PTPRO: variants seen among roughly 807,000 people sequenced by gnomAD.
PTPRO encodes protein tyrosine phosphatase receptor type O, also known as receptor-type tyrosine-protein phosphatase O.
A neutral mutation model predicts 145.2 loss-of-function variants in PTPRO; 62 were observed. The ratio of observed to expected loss-of-function variants is 0.43; its 90% confidence interval spans 0.35 to 0.53. The LOEUF (loss-of-function observed/expected upper bound fraction) is 0.53. Among genes scored for constraint, PTPRO ranks in the 20% least tolerant of loss-of-function variants. The probability of loss-of-function intolerance (pLI) is 0.01; values close to 1 mark genes in which losing one functional copy is unlikely to be tolerated. For missense variants in PTPRO, 1,345 were observed against 1,482.7 expected (o/e 0.91, Z 1.53); for synonymous variants, 565 against 514.7 (o/e 1.10, Z -1.32).
chr12:15,495,264 C>T (rs569836834), intron 2 of PTPRO, among the ~76,000 whole-genome samples: 2 of 150,910 alleles, frequency 1.3e-5, no homozygotes, highest in East Asian at 3.9e-4. Context: ...TCAGAAAACT[C>T]CAGGAAAAAT....
At chr12:15,461,054 C>A (rs1208029393) in intron 1 of PTPRO, among the ~76,000 whole-genome samples, 1 of 152,116 alleles carries the variant, frequency 6.6e-6, no homozygotes, top group Non-Finnish European at 1.5e-5. Context: ...CTCACTCTAC[C>A]TCTCTGGCAT....
chr12:15,524,805 C>T lies in PTPRO; in HGVS notation c.1892-9C>T. On this transcript the variant is annotated splice_polypyrimidine_tract_variant and intron_variant, in intron 10 of 26. Coordinates refer to ENST00000281171, the MANE Select transcript of PTPRO (RefSeq NM_030667.3). ...TTATACTAAATTGTGCCTCGTTTCT[C>T]CCTTGTAGCCCCAGTGGCTCCGGAA... is the stretch of plus-strand genomic sequence containing the variant. The T allele has an allele frequency of 6.2e-7, 1 of 1,610,886 alleles. No homozygotes were observed. The highest frequency in any genetic ancestry group is 8.5e-7 in the Non-Finnish European group (1 of 1,177,160).
intron 12 of PTPRO, among the ~76,000 whole-genome samples, chr12:15,529,306 C>T (rs1942908658): frequency 6.6e-6 from 1 of 151,966 alleles, no homozygotes; most frequent in Admixed American, 6.6e-5. Flanking sequence ...GGTAGTTTTG[C>T]TTTTGTTTCT....
chr12:15,435,618 TC>T (rs1940574344), intron 1 of PTPRO, among the ~76,000 whole-genome samples: 1 of 152,136 alleles, frequency 6.6e-6, no homozygotes, highest in African/African-American at 2.4e-5. Context: ...TATCAGTTTT[TC>T]TCTTTTCCTC....
At chr12:15,505,641 C>G (rs1942306228) in intron 6 of PTPRO, among the ~76,000 whole-genome samples, 1 of 152,044 alleles carries the variant, frequency 6.6e-6, no homozygotes, top group South Asian at 2.1e-4. Context: ...ACCATGTATA[C>G]TTCTTTGGTT....
chr12:15,347,547 G>T (rs895096432), intron 1 of PTPRO, among the ~76,000 whole-genome samples: 2 of 152,108 alleles, frequency 1.3e-5, no homozygotes, highest in Non-Finnish European at 2.9e-5. Context: ...AGCCTTCTAA[G>T]GGAGGGACCA....
At chr12:15,586,490 T>C (rs1047069452) in intron 23 of PTPRO, among the ~76,000 whole-genome samples, 1 of 152,192 alleles carries the variant, frequency 6.6e-6, no homozygotes, top group Non-Finnish European at 1.5e-5. Flanking sequence ...TATCAAGAGA[T>C]AGGTACTGCT....
At chr12:15,413,823 CAAAT>C (rs200886106) in intron 1 of PTPRO, among the ~76,000 whole-genome samples, 23 of 151,836 alleles carry the variant, frequency 1.5e-4, no homozygotes, top group Non-Finnish European at 2.1e-4. Flanking sequence ...TCAATAAAAA[CAAAT>C]AAATAAATAA....
chr12:15,329,195 T>C (rs1866538369), intron 1 of PTPRO, among the ~76,000 whole-genome samples: 1 of 152,246 alleles, frequency 6.6e-6, no homozygotes, highest in African/African-American at 2.4e-5. Flanking sequence ...TTTCTGACCC[T>C]GGTTCTCTCT....
intron 1 of PTPRO, chr12:15,439,908 C>A (rs756216310): frequency 2.0e-5 from 13 of 663,548 alleles, no homozygotes; most frequent in Non-Finnish European, 3.6e-5. Flanking sequence ...GTGTTTGTTG[C>A]CATTGGGGAC....
chr12:15,418,761 G>A lies in PTPRO; in HGVS notation c.76-65213G>A, dbSNP rs369191147. Among the ~76,000 whole-genome samples the A allele has an allele frequency of 3.5e-4, 53 of 151,814 alleles. 2 individuals are homozygous for A. The highest frequency in any genetic ancestry group is 1.3e-3 in the African/African-American group (53 of 41,092). ...AGGCAATGGAGTACTGGGAGGAAGT[G>A]TTAAGAATTATGGATGGACCAGATT... On this transcript the variant is annotated intron_variant, in intron 1 of 26. Coordinates refer to ENST00000281171, the MANE Select transcript of PTPRO (RefSeq NM_030667.3).
intron 1 of PTPRO, among the ~76,000 whole-genome samples, chr12:15,481,670 A>G (rs2136434994): frequency 6.6e-6 from 1 of 152,328 alleles, no homozygotes; most frequent in Middle Eastern, 3.4e-3. Context: ...TATGATAAGA[A>G]TATTAGGAAC....
chr12:15,573,764 A>G (rs146929476), intron 19 of PTPRO, among the ~76,000 whole-genome samples: 6 of 152,238 alleles, frequency 3.9e-5, no homozygotes, highest in Non-Finnish European at 8.8e-5. Flanking sequence ...TCTGCCCCCT[A>G]CATCCTCAGG....
chr12:15,496,142 G>GT (rs71042255), intron 2 of PTPRO, among the ~76,000 whole-genome samples: 17 of 75,356 alleles, frequency 2.3e-4, no homozygotes, highest in Admixed American at 3.8e-4. Context: ...TTCTTTTTTT[G>GT]TTTTTTTTTT....
chr12:15,577,855 GA>G (rs3216544), intron 19 of PTPRO, among the ~76,000 whole-genome samples: 28,842 of 152,110 alleles, frequency 0.19, 2,871 homozygotes, highest in Middle Eastern at 0.27. Flanking sequence ...ATGCCTCCAA[GA>G]AATACAGGTG....
At chr12:15,485,718 A>G (rs1227380236) in intron 2 of PTPRO, among the ~76,000 whole-genome samples, 1 of 152,192 alleles carries the variant, frequency 6.6e-6, no homozygotes, top group African/African-American at 2.4e-5. Flanking sequence ...ACTGTTCATG[A>G]AGAAATTTGA....
intron 1 of PTPRO, among the ~76,000 whole-genome samples, chr12:15,471,008 T>TA (rs1941527379): frequency 6.6e-6 from 1 of 152,230 alleles, no homozygotes; most frequent in African/African-American, 2.4e-5. Flanking sequence ...TGTATCCTCT[T>TA]ACACCTGGCT....
chr12:15,567,047 C>T (rs1943917656), intron 18 of PTPRO, among the ~76,000 whole-genome samples: 1 of 152,164 alleles, frequency 6.6e-6, no homozygotes, highest in African/African-American at 2.4e-5. Flanking sequence ...AAAGGAGAGA[C>T]TGTCAAGGCT....
chr12:15,585,300 T>C (rs1317512775), intron 23 of PTPRO, among the ~76,000 whole-genome samples: 2 of 152,216 alleles, frequency 1.3e-5, no homozygotes, highest in Non-Finnish European at 2.9e-5. Context: ...ATCCTCATGA[T>C]GTTGAATAAG....
Sources: allele counts gnomAD v4.1 joint callset (sites outside exome capture counted in the v4.1 genomes callset), GRCh38; gene constraint gnomAD v4.1.1; transcripts MANE v1.5; gene names NCBI Gene and HGNC (gene_info 2026-07-23, HGNC 2026-07-21).